Variants in FAM111B observed in about 807,000 individuals in gnomAD.
FAM111B encodes serine protease FAM111B.
Under a neutral mutation model 2.8 loss-of-function variants are expected in FAM111B, and 1 was observed. The observed-to-expected ratio is 0.36, with a 90% confidence interval of 0.13 to 1.70. The LOEUF is 1.70. Ranked by LOEUF, FAM111B falls within the 40% of genes most tolerant of loss-of-function variation. The pLI, the probability that FAM111B is intolerant of heterozygous loss-of-function variation, is 0.35. For missense variants in FAM111B, 882 were observed against 878.9 expected, an observed-to-expected ratio of 1.00 and a Z score of -0.04; for synonymous variants, 297 against 295.6, an observed-to-expected ratio of 1.00 and a Z score of -0.05.
At chr11:59,120,358 A>G (rs550141065) in intron 3 of FAM111B, among the ~76,000 whole-genome samples, 10 of 152,312 alleles carry the variant, frequency 6.6e-5, no homozygotes, top group Non-Finnish European at 1.2e-4. Context: ...CCCACAATTC[A>G]TATGTTTAAA....
chr11:59,124,131 A>G (rs1859966344), intron 3 of FAM111B, 48 bp from the exon 4 acceptor site: 3 of 1,315,460 alleles, frequency 2.3e-6, no homozygotes, highest in Non-Finnish European at 3.1e-6. Flanking sequence ...AATATAAAAC[A>G]TTATTAAAGG....
intron 3 of FAM111B, chr11:59,110,062 G>A (rs1859735225): frequency 6.4e-6 from 1 of 156,394 alleles, no homozygotes; most frequent in Non-Finnish European, 1.4e-5. Flanking sequence ...ATAGAACTAT[G>A]CAGTAGGTAT....
At chr11:59,121,274 AAG>A (rs1047861897) in intron 3 of FAM111B, among the ~76,000 whole-genome samples, 1 of 152,178 alleles carries the variant, frequency 6.6e-6, no homozygotes, top group African/African-American at 2.4e-5. Flanking sequence ...CAATAATAAA[AAG>A]AAAAATAATC....
At chr11:59,115,696 T>C (rs996456562) in intron 3 of FAM111B, among the ~76,000 whole-genome samples, 2 of 152,126 alleles carry the variant, frequency 1.3e-5, no homozygotes, top group Non-Finnish European at 2.9e-5. Flanking sequence ...CCCAGTGAGA[T>C]ATCATGTTAG....
rs1208332851 is a variant in FAM111B at position 59,109,520 on chromosome 11, TG to T, written c.-86-19del. 2.9e-6 allele frequency: 2 copies of T among 682,598 alleles called. No homozygotes were observed. Among genetic ancestry groups the T allele is most frequent in the Non-Finnish European group, 4.8e-6 (2 of 417,294 alleles). 42.3% of individuals were successfully genotyped at this position (682,598 alleles called of 1,614,324 possible). On this transcript the variant is annotated intron_variant, in intron 2 of 3. Transcript: ENST00000343597. The stretch of plus-strand genomic sequence containing the variant: ...TTGAAAGTGGTTATTTCATAGATCT[TG>T]TTTTTTTGGTTTTTTTAGACATTTC...
chr11:59,107,572 T>C (rs1859683923), intron 1 of FAM111B, among the ~76,000 whole-genome samples: 1 of 151,992 alleles, frequency 6.6e-6, no homozygotes, highest in African/African-American at 2.4e-5. Flanking sequence ...TTCGCGCCCA[T>C]AGAAGGAGAC....
At chr11:59,114,478 G>A (rs1859809680) in intron 3 of FAM111B, among the ~76,000 whole-genome samples, 1 of 152,158 alleles carries the variant, frequency 6.6e-6, no homozygotes. Flanking sequence ...AGGTGTGAAG[G>A]AAAAGAGAGA....
intron 3 of FAM111B, among the ~76,000 whole-genome samples, chr11:59,111,528 AT>A (rs936672570): frequency 7.2e-5 from 11 of 152,204 alleles, no homozygotes; most frequent in African/African-American, 2.2e-4. Flanking sequence ...GATTAGGGCT[AT>A]TTCGTTCAAG....
rs747717388 is a variant in FAM111B at position 59,124,605 on chromosome 11, G to A, written c.508G>A (p.Gly170Arg). 4 of 1,613,628 alleles carry A rather than the reference G, an allele frequency of 2.5e-6. No individual in the cohort carries two copies. Among genetic ancestry groups the A allele is most frequent in the Non-Finnish European group, 1.7e-6 (2 of 1,179,828 alleles). ...TCAAAGAAAGAGTAGCAAAGAAGAT[G>A]GACACATATTACGCCAATGTGAAAA... Reference protein sequence around the residue: ...FGQRKSSKEDGHILRQCENPN... With the variant: ...FGQRKSSKEDRHILRQCENPN... Residue 170 changes from glycine (G) to arginine (R), a missense_variant, in exon 4 of 4, where the codon GGA becomes AGA. Physicochemically the swap from Gly to Arg is moderately radical, Grantham distance 125 (BLOSUM62 -2). Transcript: ENST00000343597.
At chr11:59,112,219 G>T (rs75089251) in intron 3 of FAM111B, among the ~76,000 whole-genome samples, 3,257 of 152,262 alleles carry the variant, frequency 0.021, 127 homozygotes, top group African/African-American at 0.074. Flanking sequence ...TTACTCTAGT[G>T]TTAACTTTTC....
chr11:59,125,040 A>G lies in FAM111B; in HGVS notation c.943A>G (p.Lys315Glu). Residue 315 changes from lysine to glutamate, a missense_variant, in exon 4 of 4, where the codon AAA becomes GAA. Physicochemically the swap from Lys to Glu is moderately conservative, Grantham distance 56. Transcript: ENST00000343597. ...VHKPKKDGET[K>E]DVEHSREQIL... is the part of the protein sequence containing the mutation. Reference sequence around the variant, plus strand: ...CAAACCAAAGAAAGATGGAGAGACCAAAGATGTAGAACACAGCAGAGAGCA... The same window carrying G: ...CAAACCAAAGAAAGATGGAGAGACCGAAGATGTAGAACACAGCAGAGAGCA... 6.2e-7 allele frequency: 1 copy of G among 1,613,066 alleles called. No individual in the cohort carries two copies. Among genetic ancestry groups the G allele is most frequent in the South Asian group, 1.1e-5 (1 of 90,818 alleles).
chr11:59,113,048 T>G (rs768903626), intron 3 of FAM111B, among the ~76,000 whole-genome samples: 6 of 152,256 alleles, frequency 3.9e-5, no homozygotes, highest in Non-Finnish European at 7.3e-5. Context: ...ATGCTTTTGC[T>G]TTTACATCAG....
chr11:59,123,875 A>T (rs1055103116), intron 3 of FAM111B, among the ~76,000 whole-genome samples: 1 of 152,172 alleles, frequency 6.6e-6, no homozygotes, highest in Non-Finnish European at 1.5e-5. Context: ...TTCTAGCCAC[A>T]TTTGTTACAA....
intron 3 of FAM111B, among the ~76,000 whole-genome samples, chr11:59,119,342 T>C (rs1859886325): frequency 6.6e-6 from 1 of 152,228 alleles, no homozygotes; most frequent in African/African-American, 2.4e-5. Flanking sequence ...AGAACCTCTT[T>C]TCAGGCAGTA....
intron 3 of FAM111B, among the ~76,000 whole-genome samples, chr11:59,111,558 A>G (rs1334267081): frequency 6.6e-6 from 1 of 152,226 alleles, no homozygotes; most frequent in Non-Finnish European, 1.5e-5. Flanking sequence ...CACTAATCAC[A>G]TGTGATTATG....
rs1168443649 is a variant in FAM111B at position 59,109,289 on chromosome 11, T to C, written c.-86-251T>C. On this transcript the variant is annotated intron_variant, in intron 2 of 3. Transcript: ENST00000343597. ...TGGCTGTCTTCTCCCTAGTACTCTG[T>C]CATACAAGCTCCAGTCATCTTGGCC... 2.0e-5 allele frequency among the ~76,000 whole-genome samples: 3 copies of C among 152,212 alleles called. No individual in the cohort carries two copies. The South Asian group carries it at 6.2e-4, about 32-fold the overall frequency.
At chr11:59,113,163 A>G (rs1859785622) in intron 3 of FAM111B, among the ~76,000 whole-genome samples, 6 of 151,366 alleles carry the variant, frequency 4.0e-5, no homozygotes, top group Admixed American at 2.0e-4. Context: ...TATTTTTTGT[A>G]TGGTGCAATA....
intron 3 of FAM111B, among the ~76,000 whole-genome samples, chr11:59,121,916 AG>A (rs1386856023): frequency 3.3e-5 from 5 of 152,166 alleles, no homozygotes; most frequent in African/African-American, 1.2e-4. Flanking sequence ...AGGCCGAGGC[AG>A]GTGGATCATG....
intron 3 of FAM111B, among the ~76,000 whole-genome samples, chr11:59,110,247 T>A (rs1034672031): frequency 6.6e-6 from 1 of 152,176 alleles, no homozygotes; most frequent in African/African-American, 2.4e-5. Flanking sequence ...AATTGAGACA[T>A]AAACAAGTGA....
Sources: gnomAD v4.1 joint callset for allele counts (sites outside exome capture counted in the v4.1 genomes callset) on GRCh38, gnomAD v4.1.1 for gene constraint, MANE v1.5 for transcripts, NCBI Gene and HGNC (gene_info 2026-07-23, HGNC 2026-07-21) for gene names.